Variants in AAK1 observed in about 807,000 individuals in gnomAD.
AAK1 encodes AP2-associated protein kinase 1.
Under a neutral mutation model 116.0 loss-of-function variants are expected in AAK1, and 37 were observed. The observed-to-expected ratio is 0.32, with a 90% CI of 0.25 to 0.42. The LOEUF is 0.42. AAK1 is among the 10% of genes least tolerant of loss of function. The pLI is 1.00. For synonymous variants in AAK1, 458 were observed against 439.9 expected (o/e 1.04, Z -0.51); for missense variants, 919 against 1,170.6 (o/e 0.79, Z 3.14).
At chr2:69,538,201 C>T (rs1206104300) in intron 5 of AAK1, among the ~76,000 whole-genome samples, 10 of 152,262 alleles carry the variant, frequency 6.6e-5, no homozygotes, top group African/African-American at 1.2e-4. Flanking sequence ...GCGCTGCCTC[C>T]GTCTTAGGAG....
chr2:69,619,559 G>A (rs1281418566), intron 2 of AAK1, among the ~76,000 whole-genome samples: 1 of 152,166 alleles, frequency 6.6e-6, no homozygotes, highest in African/African-American at 2.4e-5. Context: ...TAAAGCTTAA[G>A]TTCCAAAGAG....
Position 69,576,817 on chromosome 2 carries a change from T to C in AAK1, c.164-19839A>G, listed in dbSNP as rs189372453. Among the ~76,000 whole-genome samples the C allele has an allele frequency of 8.1e-4, 124 of 152,276 alleles. 1 individual carries two copies. Among genetic ancestry groups the C allele is most frequent in the Non-Finnish European group, 1.2e-3 (80 of 68,016 alleles). On this transcript the variant is annotated intron_variant, in intron 2 of 21. Transcript: ENST00000409085. The stretch of plus-strand genomic sequence containing the variant: ...CCTCGCTTCTACAAGATCAAATAAA[T>C]GACCATGGAAGTGTCTCCACCTTAG...
In AAK1 at chr2:69,471,585, T is replaced by C; in HGVS notation, c.*4284A>G. On this transcript the variant is annotated 3_prime_UTR_variant, in exon 22 of 22. Coordinates refer to ENST00000409085, the MANE Select transcript of AAK1 (RefSeq NM_014911.5). ...CCCGGCACACTGGGCAATCCTGTCA[T>C]TTTCATCCCAAAGCTCAAAGTTAGT... The C allele has an allele frequency of 2.0e-6, 2 of 985,392 alleles. No homozygotes were observed. Among genetic ancestry groups the C allele is most frequent in the Non-Finnish European group, 2.4e-6 (2 of 829,898 alleles). The allele number at this position is 985,392 out of a possible 1,614,324, so 61.0% of individuals were successfully genotyped here. A position where few individuals can be genotyped will look rare whatever the true frequency, so the allele number is the denominator to read the frequency against.
At chr2:69,588,092 C>T (rs1411647017) in intron 2 of AAK1, among the ~76,000 whole-genome samples, 1 of 152,044 alleles carries the variant, frequency 6.6e-6, no homozygotes, top group Non-Finnish European at 1.5e-5. Flanking sequence ...AGGAGCAAGA[C>T]TTTGGAGTTA....
intron 11 of AAK1, among the ~76,000 whole-genome samples, chr2:69,520,531 T>C (rs1669726893): frequency 6.6e-6 from 1 of 151,832 alleles, no homozygotes. Flanking sequence ...GCTAATTTTT[T>C]GTACTTTTTT....
chr2:69,594,321 G>A (rs535720723), intron 2 of AAK1, among the ~76,000 whole-genome samples: 63 of 152,320 alleles, frequency 4.1e-4, no homozygotes, highest in African/African-American at 1.4e-3. Context: ...CCTGTGGATC[G>A]TGTGTAGCCC....
chr2:69,621,441 T>A (rs1416486669), intron 2 of AAK1, among the ~76,000 whole-genome samples: 1 of 151,322 alleles, frequency 6.6e-6, no homozygotes, highest in Non-Finnish European at 1.5e-5. Flanking sequence ...ATTGTGCCAC[T>A]GCACCACTCC....
At chr2:69,537,173 A>G (rs1263622764) in intron 5 of AAK1, among the ~76,000 whole-genome samples, 1 of 152,226 alleles carries the variant, frequency 6.6e-6, no homozygotes, top group Non-Finnish European at 1.5e-5. Context: ...CAGATCCACA[A>G]CACCATGATC....
intron 5 of AAK1, among the ~76,000 whole-genome samples, chr2:69,539,374 AG>A (rs1670608479): frequency 6.6e-6 from 1 of 152,064 alleles, no homozygotes; most frequent in African/African-American, 2.4e-5. Flanking sequence ...CAGAGTTCAC[AG>A]GATGAACTCT....
chr2:69,483,719 A>G (rs1211038918), intron 17 of AAK1, among the ~76,000 whole-genome samples: 1 of 152,204 alleles, frequency 6.6e-6, no homozygotes, highest in East Asian at 1.9e-4. Context: ...CACCTGTGAC[A>G]TGCTGGCAGT....
intron 18 of AAK1, 45 bp downstream of exon 18, chr2:69,482,666 C>A: frequency 6.8e-7 from 1 of 1,466,768 alleles, no homozygotes; most frequent in Non-Finnish European, 9.5e-7. Context: ...TTGAAACAGG[C>A]ACACATATCA....
At chr2:69,625,157 C>T (rs980655893) in intron 2 of AAK1, among the ~76,000 whole-genome samples, 22 of 152,340 alleles carry the variant, frequency 1.4e-4, no homozygotes, top group Admixed American at 9.1e-4. Flanking sequence ...ACAAGACCTT[C>T]GAACTCTCAC....
intron 2 of AAK1, among the ~76,000 whole-genome samples, chr2:69,570,919 T>C (rs1056108954): frequency 5.3e-5 from 8 of 151,694 alleles, no homozygotes; most frequent in Non-Finnish European, 7.3e-5. Context: ...GGAATGTCCA[T>C]CCCCTCTTTA....
rs558983906 is a variant in AAK1 at position 69,471,062 on chromosome 2, A to G, written c.*4807T>C. On this transcript the variant is annotated 3_prime_UTR_variant, in exon 22 of 22. Coordinates refer to ENST00000409085, the MANE Select transcript of AAK1 (RefSeq NM_014911.5). ...ATAAGATATCTTCATGTACAACTGTATGCTTTGTCTTCTTGGGAAGGACGC... is the reference window on the plus strand; with the variant it reads ...ATAAGATATCTTCATGTACAACTGTGTGCTTTGTCTTCTTGGGAAGGACGC... 31 of 985,856 alleles carry G rather than the reference A, an allele frequency of 3.1e-5. No homozygotes were observed. In the African/African-American group the frequency reaches 5.4e-4, roughly 17 times the overall value. The allele number at this position is 985,856 out of a possible 1,614,324, so 61.1% of individuals were successfully genotyped here. A position where few individuals can be genotyped will look rare whatever the true frequency, so the allele number is the denominator to read the frequency against.
intron 2 of AAK1, among the ~76,000 whole-genome samples, chr2:69,576,377 G>A (rs1672316059): frequency 6.6e-6 from 1 of 151,658 alleles, no homozygotes; most frequent in African/African-American, 2.4e-5. Context: ...TACATGTGAA[G>A]GTTTATTAAT....
chr2:69,608,792 T>A (rs1452184664), intron 2 of AAK1, among the ~76,000 whole-genome samples: 1 of 152,162 alleles, frequency 6.6e-6, no homozygotes, highest in Non-Finnish European at 1.5e-5. Flanking sequence ...TCAGCAAAGT[T>A]GAAGGATACA....
At chr2:69,609,908 A>G (rs1164529638) in intron 2 of AAK1, among the ~76,000 whole-genome samples, 1 of 151,504 alleles carries the variant, frequency 6.6e-6, no homozygotes, top group African/African-American at 2.4e-5. Context: ...AAATTAGCCG[A>G]GCATGGTGGC....
At chr2:69,553,899 G>T (rs1311906591) in intron 3 of AAK1, among the ~76,000 whole-genome samples, 1 of 150,378 alleles carries the variant, frequency 6.6e-6, no homozygotes, top group Non-Finnish European at 1.5e-5. Flanking sequence ...AACATAGCAA[G>T]ACCTTGTCTC....
Position 69,465,385 on chromosome 2 carries a change from G to A in AAK1, c.*10484C>T. ...GGGAGTGCCATGGCGGGTATTGAGG[G>A]TGGGATAGAGACAAGAGGCTTGAGG... On this transcript the variant is annotated 3_prime_UTR_variant, in exon 22 of 22. Coordinates refer to ENST00000409085, the MANE Select transcript of AAK1 (RefSeq NM_014911.5). 5.6e-6 allele frequency: 7 copies of A among 1,242,764 alleles called. No individual in the cohort carries two copies. The highest frequency in any genetic ancestry group is 7.3e-6 in the Non-Finnish European group (7 of 964,202). The allele number at this position is 1,242,764 out of a possible 1,614,324, so 77.0% of individuals were successfully genotyped here. A position where few individuals can be genotyped will look rare whatever the true frequency, so the allele number is the denominator to read the frequency against.
Sources: allele counts gnomAD v4.1 joint callset (sites outside exome capture counted in the v4.1 genomes callset), GRCh38; gene constraint gnomAD v4.1.1; transcripts MANE v1.5; gene names NCBI Gene and HGNC (gene_info 2026-07-23, HGNC 2026-07-21).